The following GGH variants were observed in gnomAD, a reference collection of about 807,000 sequenced individuals.
GGH encodes the protein gamma-Glu-X carboxypeptidase.
In GGH, 18 loss-of-function variants were observed where a neutral mutation model predicts 39.2. The ratio of observed to expected loss-of-function variants is 0.46; its 90% confidence interval spans 0.32 to 0.68. GGH has a LOEUF of 0.68. GGH is among the 30% of genes least tolerant of loss of function. GGH has a pLI of 0.04. For missense variants in GGH, 367 were observed against 384.1 expected (o/e 0.96, Z 0.37); for synonymous variants, 147 against 138.8 (o/e 1.06, Z -0.42).
intron 5 of GGH, chr8:63,024,846 C>T (rs778090340): frequency 6.6e-6 from 1 of 152,206 alleles, no homozygotes; most frequent in Non-Finnish European, 1.5e-5. Context: ...TTGAAACATT[C>T]CTTTTCTGTA....
In GGH at chr8:63,017,628, A is replaced by G. The variant is rs1414265165; in HGVS notation, c.700T>C (p.Tyr234His). The G allele has an allele frequency of 1.9e-6, 3 of 1,566,244 alleles. No individual in the cohort carries two copies. The highest frequency in any genetic ancestry group is 2.6e-6 in the Non-Finnish European group (3 of 1,149,420). The change falls in exon 8 of 9, where the codon TAT (tyrosine) becomes CAT (histidine). Residue 234 changes from tyrosine to histidine, a missense_variant and splice_region_variant. Physicochemically the swap from Tyr to His is moderately conservative, Grantham distance 83. Transcript: ENST00000260118. ...TGGACACCATATACTGGATACTTATATCCTGTAAGAAGAACACAAATTAGT... is the reference window on the plus strand; with the variant it reads ...TGGACACCATATACTGGATACTTATGTCCTGTAAGAAGAACACAAATTAGT... ...KIEFISTMEGYKYPVYGVQWH... is the reference protein window; with the variant it reads ...KIEFISTMEGHKYPVYGVQWH...
chr8:63,020,284 A>G (rs1642991430), intron 7 of GGH, among the ~76,000 whole-genome samples: 1 of 152,192 alleles, frequency 6.6e-6, no homozygotes, highest in African/African-American at 2.4e-5. Context: ...GGTGGGAGAA[A>G]ATTTTCAAAT....
At chr8:63,036,967 A>C (rs1804921128) in intron 1 of GGH, among the ~76,000 whole-genome samples, 1 of 152,120 alleles carries the variant, frequency 6.6e-6, no homozygotes, top group Non-Finnish European at 1.5e-5. Flanking sequence ...TTACCAGTGA[A>C]ACCCAGCCCC....
At chr8:63,022,688 T>C (rs956830087) in intron 7 of GGH, among the ~76,000 whole-genome samples, 2 of 151,740 alleles carry the variant, frequency 1.3e-5, no homozygotes, top group South Asian at 4.2e-4. Context: ...CTTTTTTTTT[T>C]TTTCTTTTTT....
intron 1 of GGH, 36 bp downstream of exon 1, chr8:63,038,624 C>T (rs1804957341): frequency 1.7e-6 from 2 of 1,200,692 alleles, no homozygotes; most frequent in East Asian, 2.8e-5. Flanking sequence ...CACCCAGCTC[C>T]TCCCCGTCTG....
chr8:63,027,191 A>G lies in GGH; in HGVS notation c.350T>C (p.Leu117Ser). The change falls in exon 4 of 9, where the codon TTG becomes TCG. Residue 117 changes from leucine (L) to serine (S), a missense_variant. Leu to Ser is a moderately radical substitution (Grantham distance 145). Transcript: ENST00000260118. The part of the protein sequence containing the change: ...YAKVAKIFYN[L>S]SIQSFDDGDY... ...ATAACTGATATTTACCTGTATGGAC[A>G]AGTTATAAAATATTTTGGCCACTTT... is the stretch of plus-strand genomic sequence containing the variant. 1 of 1,424,218 alleles carries G rather than the reference A, an allele frequency of 7.0e-7. No homozygotes were observed. The highest frequency in any genetic ancestry group is 9.9e-7 in the Non-Finnish European group (1 of 1,006,814). 88.2% of individuals were successfully genotyped at this position (1,424,218 alleles called of 1,614,324 possible).
intron 3 of GGH, among the ~76,000 whole-genome samples, chr8:63,027,794 G>GT (rs1804724156): frequency 6.6e-6 from 1 of 151,878 alleles, no homozygotes; most frequent in Admixed American, 6.6e-5. Flanking sequence ...AACACGCACA[G>GT]TATTAGAACA....
chr8:63,027,803 C>T (rs1441421821), intron 3 of GGH, among the ~76,000 whole-genome samples: 1 of 151,832 alleles, frequency 6.6e-6, no homozygotes, highest in East Asian at 1.9e-4. Context: ...AGTATTAGAA[C>T]ATTTTTTTCA....
rs965020883 is a variant in GGH, at chr8:63,035,534, G to A, written c.224+122C>T. On this transcript the variant is annotated intron_variant, in intron 2 of 8. Transcript: ENST00000260118. ...TTGGCCTGGCTGGTCTCGAACTCCT[G>A]ACCTCAGTAGTCCACCCGCCTTGGC... 5.8e-6 allele frequency: 8 copies of A among 1,389,720 alleles called. No homozygotes were observed. In the East Asian group the frequency reaches 1.0e-4, roughly 18 times the overall value. The allele number at this position is 1,389,720 out of a possible 1,614,324, so 86.1% of individuals were successfully genotyped here.
intron 8 of GGH, among the ~76,000 whole-genome samples, chr8:63,017,122 T>C (rs1223746134): frequency 6.6e-6 from 1 of 152,080 alleles, no homozygotes; most frequent in Non-Finnish European, 1.5e-5. Flanking sequence ...GCCCAGGAGT[T>C]TGAGGCTGCA....
intron 7 of GGH, among the ~76,000 whole-genome samples, chr8:63,020,809 A>G (rs1804571704): frequency 6.6e-6 from 1 of 152,164 alleles, no homozygotes; most frequent in South Asian, 2.1e-4. Flanking sequence ...TCATCCTCCA[A>G]TGCAGAGGAG....
chr8:63,017,487 T>C lies in GGH; in HGVS notation c.835+6A>G, dbSNP rs367604903. 2.3e-5 allele frequency: 37 copies of C among 1,604,580 alleles called. No individual in the cohort carries two copies. The highest frequency in any genetic ancestry group is 4.5e-5 in the East Asian group (2 of 44,766). On this transcript the variant is annotated splice_donor_region_variant and intron_variant, in intron 8 of 8. Transcript: ENST00000260118. ...AGAATAACAAAATTATGTACCCTCA[T>C]ATTACCTTCATTAACAAAAAACTCT...
At chr8:63,029,458 T>G (rs1023925930) in intron 3 of GGH, among the ~76,000 whole-genome samples, 1 of 152,182 alleles carries the variant, frequency 6.6e-6, no homozygotes, top group East Asian at 1.9e-4. Flanking sequence ...GGGGTGACTG[T>G]CAGACAATAC....
chr8:63,038,470 G>T (rs1027298079), intron 1 of GGH, among the ~76,000 whole-genome samples, 190 bp downstream of exon 1: 16 of 152,346 alleles, frequency 1.1e-4, no homozygotes, highest in African/African-American at 2.6e-4. Context: ...AATGAACGAG[G>T]TACCTCAACC....
intron 7 of GGH, among the ~76,000 whole-genome samples, chr8:63,022,678 CTT>C (rs34415067): frequency 0.023 from 3,346 of 143,550 alleles, 122 homozygotes; most frequent in African/African-American, 0.08. Context: ...CCATGCCCAG[CTT>C]TTTTTTTTTT....
intron 7 of GGH, chr8:63,017,950 T>G: frequency 4.9e-6 from 1 of 205,812 alleles, no homozygotes; most frequent in Non-Finnish European, 9.6e-6. Context: ...TGATACAAGT[T>G]TCTTCCGCAG....
intron 2 of GGH, 30 bp downstream of exon 2, chr8:63,035,626 T>TAAA (rs34822356): frequency 2.4e-5 from 36 of 1,498,584 alleles, no homozygotes; most frequent in Middle Eastern, 1.8e-4. Flanking sequence ...TTATACAGAG[T>TAAA]AAAAAAAAAA....
chr8:63,038,113 C>T (rs908012433), intron 1 of GGH, among the ~76,000 whole-genome samples: 1 of 152,042 alleles, frequency 6.6e-6, no homozygotes, highest in African/African-American at 2.4e-5. Context: ...ATGTTGGAAA[C>T]GAAAAATTGT....
At position 63,035,528 on chromosome 8, in the gene GGH, A is replaced by C. The variant is rs910777992; in HGVS notation, c.224+128T>G. ...ACCAGGTTGGCCTGGCTGGTCTCGA[A>C]CTCCTGACCTCAGTAGTCCACCCGC... On this transcript the variant is annotated intron_variant, in intron 2 of 8. Coordinates refer to ENST00000260118, the MANE Select transcript of GGH (RefSeq NM_003878.3). The C allele has an allele frequency of 4.5e-6, 6 of 1,347,314 alleles. No homozygotes were observed. The Admixed American group carries it at 1.5e-4, about 34-fold the overall frequency. 83.5% of individuals were successfully genotyped at this position (1,347,314 alleles called of 1,614,324 possible).
Sources: allele counts gnomAD v4.1 joint callset (sites outside exome capture counted in the v4.1 genomes callset), GRCh38; gene constraint gnomAD v4.1.1; transcripts MANE v1.5; gene names NCBI Gene and HGNC (gene_info 2026-07-23, HGNC 2026-07-21).